SMG6: variants seen among roughly 807,000 people sequenced by gnomAD.
SMG6 encodes the protein telomerase-binding protein EST1A.
In SMG6, 66 loss-of-function variants were observed where a neutral mutation model predicts 142.2. The observed-to-expected ratio is 0.46, with a 90% CI of 0.38 to 0.57. SMG6 has a LOEUF of 0.57. SMG6 is among the 20% of genes least tolerant of loss of function. The pLI is 0.00. For synonymous variants in SMG6, 779 were observed against 702.4 expected, an observed-to-expected ratio of 1.11 and a Z score of -1.72; for missense variants, 1,793 against 1,832.0, an observed-to-expected ratio of 0.98 and a Z score of 0.39.
intron 9 of SMG6, among the ~76,000 whole-genome samples, chr17:2,240,557 C>T (rs2073775433): frequency 6.6e-6 from 1 of 152,056 alleles, no homozygotes; most frequent in South Asian, 2.1e-4. Flanking sequence ...CTTTAAACCA[C>T]TGATCAGGTT....
intron 13 of SMG6, among the ~76,000 whole-genome samples, chr17:2,094,357 T>G (rs2068801900): frequency 6.6e-6 from 1 of 152,014 alleles, no homozygotes. Flanking sequence ...TTCAAGAGAT[T>G]CTTCCTAAGT....
intron 13 of SMG6, among the ~76,000 whole-genome samples, chr17:2,167,883 C>CT (rs891166696): frequency 7.2e-5 from 11 of 151,942 alleles, no homozygotes; most frequent in African/African-American, 2.7e-4. Context: ...CTTTTTCTTT[C>CT]TTTTTTTTCA....
intron 13 of SMG6, among the ~76,000 whole-genome samples, chr17:2,106,989 G>C (rs988651908): frequency 3.9e-5 from 6 of 152,072 alleles, no homozygotes; most frequent in African/African-American, 1.4e-4. Flanking sequence ...ACGCCTGGCT[G>C]AGTTTTGTAT....
At chr17:2,265,348 A>G (rs923732475) in intron 8 of SMG6, among the ~76,000 whole-genome samples, 27 of 148,800 alleles carry the variant, frequency 1.8e-4, no homozygotes, top group African/African-American at 5.8e-4. Flanking sequence ...CATCTCTTCT[A>G]AAAATACAAA....
intron 13 of SMG6, among the ~76,000 whole-genome samples, chr17:2,164,658 C>T (rs943203158): frequency 1.3e-5 from 2 of 151,840 alleles, no homozygotes; most frequent in South Asian, 2.1e-4. Context: ...AACAACCAGC[C>T]GGGAACGGTG....
In SMG6 at chr17:2,204,874, G is replaced by C. The variant is rs544984896; in HGVS notation, c.2870-16359C>G. On this transcript the variant is annotated intron_variant, in intron 10 of 18. Transcript: ENST00000263073. ...GCTAATCAGGAGGCTTAGGAAGGAA[G>C]ATCGCTTCAGCCTGGGAGGCAAAAG... Among the ~76,000 whole-genome samples the C allele has an allele frequency of 5.3e-4, 80 of 152,204 alleles. 3 individuals are homozygous for C. In the South Asian group the frequency reaches 0.016, roughly 31 times the overall value.
rs555430962 is a variant in SMG6, at chr17:2,291,191, C to T, written c.2337+1361G>A. Among the ~76,000 whole-genome samples the T allele has an allele frequency of 1.2e-4, 19 of 152,102 alleles. No homozygotes were observed. The East Asian group carries it at 2.7e-3, about 22-fold the overall frequency. On this transcript the variant is annotated intron_variant, in intron 6 of 18. Coordinates refer to ENST00000263073, the MANE Select transcript of SMG6 (RefSeq NM_017575.5). ...CTAAAAATATAAAAAACTAGCCGGGCGTGGTGGCGGGCGCCTGTAGTCCCA... is the reference window on the plus strand; with the variant it reads ...CTAAAAATATAAAAAACTAGCCGGGTGTGGTGGCGGGCGCCTGTAGTCCCA...
intron 13 of SMG6, among the ~76,000 whole-genome samples, chr17:2,126,527 C>G (rs998253267): frequency 6.6e-6 from 1 of 151,352 alleles, no homozygotes; most frequent in Non-Finnish European, 1.5e-5. Flanking sequence ...GGAGTTGAGA[C>G]CAGACTGGCC....
intron 10 of SMG6, among the ~76,000 whole-genome samples, chr17:2,203,915 T>C (rs1301274729): frequency 6.6e-6 from 1 of 152,210 alleles, no homozygotes; most frequent in Non-Finnish European, 1.5e-5. Flanking sequence ...GGAAGTGTTC[T>C]GCTTCCATTT....
chr17:2,291,012 C>CAGG (rs2075018930), intron 6 of SMG6, among the ~76,000 whole-genome samples: 1 of 152,128 alleles, frequency 6.6e-6, no homozygotes, highest in Non-Finnish European at 1.5e-5. Flanking sequence ...GCGTAAGTAT[C>CAGG]AGGTCTCCTT....
At chr17:2,285,072 G>A (rs557515963) in intron 6 of SMG6, among the ~76,000 whole-genome samples, 2 of 152,146 alleles carry the variant, frequency 1.3e-5, no homozygotes, top group South Asian at 4.2e-4. Context: ...AGAAGATAAT[G>A]GTGCATCTAA....
chr17:2,298,111 C>A, intron 2 of SMG6, 56 bp from the exon 3 acceptor site: 4 of 1,515,704 alleles, frequency 2.6e-6, no homozygotes, highest in Admixed American at 2.3e-5. Context: ...AAAAGCTAGA[C>A]TCAAGTTTTG....
chr17:2,100,985 C>T (rs2151473012), intron 13 of SMG6: 1 of 152,260 alleles, frequency 6.6e-6, no homozygotes, highest in Admixed American at 6.5e-5. Flanking sequence ...TACTTATGAA[C>T]ACTGAGTTTT....
rs756643395 is a variant in SMG6 at position 2,186,764 on chromosome 17, G to A, written c.3054C>T (p.Asp1018=). Residue 1018 remains aspartate, a synonymous_variant, in exon 12 of 19, where the codon GAC becomes GAT. Transcript: ENST00000263073. The stretch of plus-strand genomic sequence containing the variant: ...TGACACTGGGGAGCAGCTCCTTCAG[G>A]TCCGGGACAAAGGAAGACACCTTGA... ...DDIKVSSFVP[D]LKELLPSVKV... 6.2e-7 allele frequency: 1 copy of A among 1,614,230 alleles called. No homozygotes were observed. The highest frequency in any genetic ancestry group is 2.2e-5 in the East Asian group (1 of 44,880).
chr17:2,080,718 C>T (rs1334886893), intron 15 of SMG6, among the ~76,000 whole-genome samples: 1 of 151,996 alleles, frequency 6.6e-6, no homozygotes, highest in Non-Finnish European at 1.5e-5. Flanking sequence ...TCACTGCAAC[C>T]TCCGCCTCCC....
intron 8 of SMG6, among the ~76,000 whole-genome samples, chr17:2,270,393 T>G (rs1452381406): frequency 6.6e-6 from 1 of 152,058 alleles, no homozygotes; most frequent in African/African-American, 2.4e-5. Flanking sequence ...GAGGATCACT[T>G]GAGCTCAGTT....
chr17:2,148,182 C>T (rs1402145469), intron 13 of SMG6, among the ~76,000 whole-genome samples: 3 of 151,752 alleles, frequency 2.0e-5, no homozygotes, highest in African/African-American at 7.3e-5. Context: ...CAGAGTGAGA[C>T]CCCATCTCAA....
At position 2,303,613 on chromosome 17, in the gene SMG6, A is replaced by G; in HGVS notation, c.88+20T>C. 2 of 1,437,638 alleles carry G rather than the reference A, an allele frequency of 1.4e-6. No individual in the cohort carries two copies. Among genetic ancestry groups the G allele is most frequent in the Non-Finnish European group, 1.8e-6 (2 of 1,099,708 alleles). 89.1% of individuals were successfully genotyped at this position (1,437,638 alleles called of 1,614,324 possible). Reference sequence around the variant, plus strand: ...GCGGGGCGGGCAGGCCCGGCCCAGGAGCTGGGCGGCGCGACTCACCTCTGC... The same window carrying G: ...GCGGGGCGGGCAGGCCCGGCCCAGGGGCTGGGCGGCGCGACTCACCTCTGC... On this transcript the variant is annotated intron_variant, in intron 1 of 18. Transcript: ENST00000263073.
chr17:2,077,824 T>C (rs1416236434), intron 15 of SMG6, among the ~76,000 whole-genome samples: 2 of 152,086 alleles, frequency 1.3e-5, no homozygotes, highest in African/African-American at 4.8e-5. Context: ...GTGCCCACTG[T>C]GTCTGGCATT....
Sources: gnomAD v4.1 joint callset for allele counts (sites outside exome capture counted in the v4.1 genomes callset) on GRCh38, gnomAD v4.1.1 for gene constraint, MANE v1.5 for transcripts, NCBI Gene and HGNC (gene_info 2026-07-23, HGNC 2026-07-21) for gene names.